The following TBX15 variants were observed in gnomAD, a reference collection of about 807,000 sequenced individuals.
TBX15 encodes the protein T-box transcription factor 15, also known as T-box transcription factor TBX15.
Under a neutral mutation model 53.9 loss-of-function variants are expected in TBX15, and 18 were observed. The observed-to-expected ratio is 0.33, with a 90% CI of 0.23 to 0.49. The LOEUF is 0.49. Ranked by LOEUF, TBX15 falls within the 20% of genes least tolerant of loss-of-function variation. The pLI is 0.98. For synonymous variants in TBX15, 295 were observed against 278.0 expected, an observed-to-expected ratio of 1.06 and a Z score of -0.61; for missense variants, 692 against 749.5, an observed-to-expected ratio of 0.92 and a Z score of 0.90.
intron 1 of TBX15, among the ~76,000 whole-genome samples, chr1:118,978,107 G>A (rs1657498912): frequency 6.6e-6 from 1 of 152,176 alleles, no homozygotes; most frequent in African/African-American, 2.4e-5. Context: ...CAGCGTTCAC[G>A]CAAGCAACAA....
chr1:118,955,932 C>T lies in TBX15; in HGVS notation c.206-24100G>A, dbSNP rs150586834. 2.4e-3 allele frequency among the ~76,000 whole-genome samples: 361 copies of T among 152,300 alleles called. 1 individual carries two copies. The highest frequency in any genetic ancestry group is 4.4e-3 in the Non-Finnish European group (296 of 68,020). On this transcript the variant is annotated intron_variant, in intron 1 of 7. Coordinates refer to ENST00000369429, the MANE Select transcript of TBX15 (RefSeq NM_001330677.2). ...CCTAGGTCTTCAAAGACCTCTCATC[C>T]TAACGGTTATGAGCTGTGGGTCATG...
At chr1:118,951,765 G>A in intron 1 of TBX15, among the ~76,000 whole-genome samples, 1 of 152,172 alleles carries the variant, frequency 6.6e-6, no homozygotes, top group East Asian at 1.9e-4. Flanking sequence ...TCACCAACTT[G>A]ATGTTAGTGT....
At chr1:118,902,311 T>C (rs1654658286) in intron 6 of TBX15, among the ~76,000 whole-genome samples, 2 of 152,280 alleles carry the variant, frequency 1.3e-5, no homozygotes, top group South Asian at 4.1e-4. Flanking sequence ...ATATCAATAT[T>C]TGGTGTAGTG....
chr1:118,890,800 C>T (rs1382116699), intron 7 of TBX15: 5 of 1,040,590 alleles, frequency 4.8e-6, no homozygotes, highest in Non-Finnish European at 6.4e-6. Flanking sequence ...CCTCCTCCCC[C>T]AAAATTGAAA....
intron 1 of TBX15, among the ~76,000 whole-genome samples, chr1:118,935,167 C>A (rs988926451): frequency 2.0e-5 from 3 of 152,222 alleles, no homozygotes; most frequent in East Asian, 3.9e-4. Context: ...AAAATTTAAT[C>A]TTTTGTAAAA....
At chr1:118,934,958 A>C (rs1470012070) in intron 1 of TBX15, among the ~76,000 whole-genome samples, 7 of 152,226 alleles carry the variant, frequency 4.6e-5, no homozygotes, top group Non-Finnish European at 8.8e-5. Context: ...CACATGTTCA[A>C]TAACATGAAT....
chr1:118,914,099 C>G lies in TBX15; in HGVS notation c.926+16G>C, dbSNP rs374702161. 1.2e-6 allele frequency: 2 copies of G among 1,613,336 alleles called. No homozygotes were observed. The highest frequency in any genetic ancestry group is 1.7e-6 in the Non-Finnish European group (2 of 1,179,564). The stretch of plus-strand genomic sequence containing the variant: ...GTCACATAGAAAAGAAGTGCCTCTT[C>G]CCCAGTGATTCTTACCTGTTTCTCC... On this transcript the variant is annotated intron_variant, in intron 6 of 7. Transcript: ENST00000369429.
chr1:118,925,756 T>TC (rs1167940669), intron 3 of TBX15, among the ~76,000 whole-genome samples: 1 of 152,186 alleles, frequency 6.6e-6, no homozygotes, highest in African/African-American at 2.4e-5. Flanking sequence ...GCCATCTCTC[T>TC]CCCCACTTGC....
chr1:118,957,309 A>T (rs1389771346), intron 1 of TBX15, among the ~76,000 whole-genome samples: 1 of 152,180 alleles, frequency 6.6e-6, no homozygotes, highest in Non-Finnish European at 1.5e-5. Flanking sequence ...TTTGACTTAG[A>T]GTAATGCCTT....
chr1:118,889,830 G>T (rs149384430), intron 7 of TBX15, among the ~76,000 whole-genome samples: 1,645 of 152,210 alleles, frequency 0.011, 28 homozygotes, highest in African/African-American at 0.038. Flanking sequence ...TAGAGATAGG[G>T]TCTCACTATG....
In TBX15 at chr1:118,931,690, C is replaced by A. The variant is rs755923250; in HGVS notation, c.348G>T (p.Glu116Asp). ...AMSSMEEIQV[E>D]LQCADLWKRF... Reference sequence around the variant, plus strand: ...GCTTCCAGAGGTCAGCACATTGCAGCTCCACCTGAATCTCCTCCATGGAAG... The same window carrying A: ...GCTTCCAGAGGTCAGCACATTGCAGATCCACCTGAATCTCCTCCATGGAAG... The change falls in exon 2 of 8, where the codon GAG (glutamate) becomes GAT (aspartate). Residue 116 changes from glutamate (E) to aspartate (D), a missense_variant. Physicochemically the swap from Glu to Asp is conservative, Grantham distance 45. This residue lies in a region of TBX15 where 307 missense variants were observed against 347.5 expected (regional missense o/e 0.88). Coordinates refer to ENST00000369429, the MANE Select transcript of TBX15 (RefSeq NM_001330677.2). 1 of 1,614,128 alleles carries A rather than the reference C, an allele frequency of 6.2e-7. No individual in the cohort carries two copies. The highest frequency in any genetic ancestry group is 1.1e-5 in the South Asian group (1 of 91,074).
chr1:118,926,708 T>C (rs1655607305), intron 2 of TBX15, 97 bp from the exon 3 acceptor site: 3 of 1,096,818 alleles, frequency 2.7e-6, no homozygotes, highest in African/African-American at 1.5e-5. Flanking sequence ...TTTGTTTGTT[T>C]TCTTGTTTGT....
intron 1 of TBX15, among the ~76,000 whole-genome samples, chr1:118,983,380 G>T (rs1272397006): frequency 3.3e-5 from 5 of 152,162 alleles, no homozygotes; most frequent in African/African-American, 1.2e-4. Context: ...CGCCGGGGCC[G>T]GAGTTTTACA....
chr1:118,931,961 G>A, intron 1 of TBX15, 129 bp from the exon 2 acceptor site: 2 of 832,892 alleles, frequency 2.4e-6, no homozygotes, highest in African/African-American at 1.7e-5. Flanking sequence ...TTAAAGCTGG[G>A]AAGCTCCAGA....
Position 118,906,527 on chromosome 1 carries a change from A to G in TBX15, c.927-7402T>C, listed in dbSNP as rs553446914. 1.2e-4 allele frequency among the ~76,000 whole-genome samples: 18 copies of G among 152,100 alleles called. No homozygotes were observed. In the South Asian group the frequency reaches 3.7e-3, roughly 32 times the overall value. On this transcript the variant is annotated intron_variant, in intron 6 of 7. Coordinates refer to ENST00000369429, the MANE Select transcript of TBX15 (RefSeq NM_001330677.2). Reference sequence around the variant, plus strand: ...GAAGGGGCTGGCCCTCCAACAGGGGACGCCTATTTGTGCCCAAGAGAGGTG... The same window carrying G: ...GAAGGGGCTGGCCCTCCAACAGGGGGCGCCTATTTGTGCCCAAGAGAGGTG...
intron 1 of TBX15, among the ~76,000 whole-genome samples, chr1:118,976,489 C>A (rs377323638): frequency 1.7e-4 from 26 of 152,132 alleles, no homozygotes; most frequent in African/African-American, 5.1e-4. Context: ...GATTTCTGAG[C>A]TCCGGGAAGA....
chr1:118,984,271 C>T (rs571468894), intron 1 of TBX15, among the ~76,000 whole-genome samples: 78 of 152,348 alleles, frequency 5.1e-4, no homozygotes, highest in African/African-American at 1.8e-3. Flanking sequence ...CGCGCGCCAC[C>T]ACATCCCCAG....
chr1:118,909,799 T>C (rs1571165361), intron 6 of TBX15, among the ~76,000 whole-genome samples: 1 of 152,120 alleles, frequency 6.6e-6, no homozygotes, highest in Non-Finnish European at 1.5e-5. Flanking sequence ...GCCAGGCTGG[T>C]CTGAAACTCC....
chr1:118,918,814 A>C (rs1655331596), intron 5 of TBX15, among the ~76,000 whole-genome samples: 1 of 152,186 alleles, frequency 6.6e-6, no homozygotes, highest in Non-Finnish European at 1.5e-5. Context: ...TAAATAGCAC[A>C]ACCTGAAAAG....
Sources: gnomAD v4.1 joint callset for allele counts (sites outside exome capture counted in the v4.1 genomes callset) on GRCh38, gnomAD v4.1.1 for gene constraint, gnomAD v4.1.1 regional missense constraint, MANE v1.5 for transcripts, NCBI Gene and HGNC (gene_info 2026-07-23, HGNC 2026-07-21) for gene names.